The following AUTS2 variants were observed in gnomAD, a reference collection of about 807,000 sequenced individuals.
AUTS2 encodes the protein activator of transcription and developmental regulator AUTS2, also known as autism susceptibility gene 2 protein.
AUTS2 carries 17 observed loss-of-function variants against 112.4 expected under a neutral mutation model. The ratio of observed to expected loss-of-function variants is 0.15; its 90% CI spans 0.10 to 0.23. The LOEUF (loss-of-function observed/expected upper bound fraction) is 0.23, where lower values mean the gene tolerates loss of function less well. AUTS2 is among the 10% of genes least tolerant of loss of function. AUTS2 has a pLI of 1.00. For synonymous variants in AUTS2, 751 were observed against 702.7 expected (o/e 1.07, Z -1.09); for missense variants, 1,510 against 1,701.6 (o/e 0.89, Z 1.98).
chr7:69,627,928 G>T (rs550780342), intron 1 of AUTS2, among the ~76,000 whole-genome samples: 17 of 152,326 alleles, frequency 1.1e-4, no homozygotes, highest in African/African-American at 4.1e-4. Flanking sequence ...CTTAGGTTGT[G>T]GTTATGTCAT....
At chr7:69,688,820 G>A (rs548573370) in intron 1 of AUTS2, among the ~76,000 whole-genome samples, 1 of 152,074 alleles carries the variant, frequency 6.6e-6, no homozygotes, top group South Asian at 2.1e-4. Flanking sequence ...TATCCATCTA[G>A]GGAAATGATC....
intron 2 of AUTS2, among the ~76,000 whole-genome samples, chr7:69,997,754 C>A (rs1187459894): frequency 6.6e-6 from 1 of 152,130 alleles, no homozygotes; most frequent in Non-Finnish European, 1.5e-5. Context: ...ATGAAGGGCC[C>A]ACCCCCATGG....
chr7:69,907,120 C>G (rs559127628), intron 2 of AUTS2, among the ~76,000 whole-genome samples: 94 of 152,236 alleles, frequency 6.2e-4, no homozygotes, highest in Non-Finnish European at 1.1e-3. Flanking sequence ...AAAAGAAAAC[C>G]ACACAAAACA....
At chr7:70,775,193 T>A (rs1790609031) in intron 12 of AUTS2, 164 bp from the exon 13 acceptor site, 1 of 637,292 alleles carries the variant, frequency 1.6e-6, no homozygotes, top group African/African-American at 1.8e-5. Context: ...ACTTGGCACT[T>A]TTGATAGTGT....
chr7:70,654,635 T>A (rs1243632389), intron 5 of AUTS2, among the ~76,000 whole-genome samples: 1 of 152,262 alleles, frequency 6.6e-6, no homozygotes, highest in Non-Finnish European at 1.5e-5. Context: ...GTTAATATTC[T>A]CTAGACTTTC....
At chr7:70,010,919 G>A (rs1159893178) in intron 2 of AUTS2, among the ~76,000 whole-genome samples, 3 of 152,174 alleles carry the variant, frequency 2.0e-5, no homozygotes, top group Non-Finnish European at 4.4e-5. Flanking sequence ...TCAGTGCCCA[G>A]GGTCAAAGCT....
intron 1 of AUTS2, among the ~76,000 whole-genome samples, chr7:69,640,217 T>C (rs1195794465): frequency 6.6e-6 from 1 of 151,778 alleles, no homozygotes; most frequent in African/African-American, 2.4e-5. Flanking sequence ...ATCAGGCTGC[T>C]AGCAATTATT....
chr7:69,649,567 G>T (rs374307582), intron 1 of AUTS2, among the ~76,000 whole-genome samples: 2 of 151,240 alleles, frequency 1.3e-5, no homozygotes, highest in Non-Finnish European at 2.9e-5. Context: ...CCTCCTTTCC[G>T]TGGCCAACTC....
chr7:69,724,263 A>C (rs1202387491), intron 1 of AUTS2, among the ~76,000 whole-genome samples: 1 of 152,124 alleles, frequency 6.6e-6, no homozygotes, highest in Non-Finnish European at 1.5e-5. Context: ...TCTTTTCTAG[A>C]TTCTTTTTAA....
At chr7:70,189,875 C>T (rs1462085511) in intron 4 of AUTS2, among the ~76,000 whole-genome samples, 2 of 152,208 alleles carry the variant, frequency 1.3e-5, no homozygotes, top group South Asian at 2.1e-4. Flanking sequence ...TCTAGTGAAG[C>T]CATCTTCTAT....
At chr7:70,143,645 C>G (rs1806976796) in intron 4 of AUTS2, among the ~76,000 whole-genome samples, 1 of 152,096 alleles carries the variant, frequency 6.6e-6, no homozygotes, top group South Asian at 2.1e-4. Flanking sequence ...TGAATAAAAA[C>G]AAACAAAAAA....
intron 5 of AUTS2, among the ~76,000 whole-genome samples, chr7:70,535,195 T>C (rs960122444): frequency 9.2e-5 from 14 of 152,230 alleles, no homozygotes; most frequent in Non-Finnish European, 1.6e-4. Flanking sequence ...TAACTGTAAC[T>C]ACCTTATGGG....
intron 2 of AUTS2, among the ~76,000 whole-genome samples, chr7:69,902,385 T>C (rs905786431): frequency 6.6e-6 from 1 of 152,208 alleles, no homozygotes; most frequent in Admixed American, 6.5e-5. Flanking sequence ...CCATCTTAGC[T>C]GGGAGGGGAC....
At chr7:70,649,161 C>A (rs1806341329) in intron 5 of AUTS2, among the ~76,000 whole-genome samples, 1 of 149,854 alleles carries the variant, frequency 6.7e-6, no homozygotes, top group Non-Finnish European at 1.5e-5. Flanking sequence ...GAGGCTGAGG[C>A]AGGTGGATTG....
chr7:69,705,027 C>T (rs984584017), intron 1 of AUTS2, among the ~76,000 whole-genome samples: 10 of 152,108 alleles, frequency 6.6e-5, no homozygotes, highest in Non-Finnish European at 1.3e-4. Context: ...CCACCATGCC[C>T]GGCTAATTTT....
At chr7:70,406,373 C>G (rs1794533773) in intron 4 of AUTS2, among the ~76,000 whole-genome samples, 1 of 152,138 alleles carries the variant, frequency 6.6e-6, no homozygotes, top group African/African-American at 2.4e-5. Flanking sequence ...GTACCTGCTG[C>G]TGGAAAACAC....
At chr7:70,624,774 G>T (rs1178658626) in intron 5 of AUTS2, among the ~76,000 whole-genome samples, 2 of 152,220 alleles carry the variant, frequency 1.3e-5, no homozygotes, top group African/African-American at 4.8e-5. Flanking sequence ...GATTTAGTCA[G>T]ATGACAAAGG....
chr7:70,784,777 AC>A, intron 15 of AUTS2, 164 bp from the exon 16 acceptor site: 8 of 266,754 alleles, frequency 3.0e-5, no homozygotes, highest in South Asian at 7.2e-5. Flanking sequence ...AAAAAAACAC[AC>A]ATTTTCTTTT....
At chr7:70,423,771 G>A (rs1795318911) in intron 4 of AUTS2, among the ~76,000 whole-genome samples, 1 of 152,162 alleles carries the variant, frequency 6.6e-6, no homozygotes. Context: ...TTCGTTGAGA[G>A]GGAATGATGG....
Sources: gnomAD v4.1 joint callset for allele counts (sites outside exome capture counted in the v4.1 genomes callset) on GRCh38, gnomAD v4.1.1 for gene constraint, MANE v1.5 for transcripts, NCBI Gene and HGNC (gene_info 2026-07-23, HGNC 2026-07-21) for gene names.